Variants in ADCY2 observed in about 807,000 individuals in gnomAD.
The protein encoded by ADCY2 is adenylate cyclase type 2.
In ADCY2, 31 loss-of-function variants were observed where a neutral mutation model predicts 125.2. The ratio of observed to expected loss-of-function variants is 0.25; its 90% CI spans 0.19 to 0.33. The LOEUF (loss-of-function observed/expected upper bound fraction) is 0.33, where lower values mean the gene tolerates loss of function less well. Ranked by LOEUF, ADCY2 falls within the 10% of genes least tolerant of loss-of-function variation. The pLI is 1.00. For synonymous variants in ADCY2, 512 were observed against 548.4 expected (o/e 0.93, Z 0.93); for missense variants, 904 against 1,418.2 (o/e 0.64, Z 5.82).
At chr5:7,502,334 G>T (rs1169807902) in intron 2 of ADCY2, among the ~76,000 whole-genome samples, 1 of 152,118 alleles carries the variant, frequency 6.6e-6, no homozygotes, top group Non-Finnish European at 1.5e-5. Flanking sequence ...CCAGGGAGCA[G>T]CCCCTGCTAT....
Position 7,595,501 on chromosome 5 carries a change from CCTGT to C in ADCY2, c.571-30665_571-30662del, listed in dbSNP as rs1736977898. On this transcript the variant is annotated intron_variant, in intron 3 of 24. Coordinates refer to ENST00000338316, the MANE Select transcript of ADCY2 (RefSeq NM_020546.3). ...GCATGAACCTTCAAGGAACAACCAT[CCTGT>C]TATTTTCTTTTATCTCACATATCTT... Among the ~76,000 whole-genome samples, 3 of 152,116 alleles carry C rather than the reference CCTGT, an allele frequency of 2.0e-5. No homozygotes were observed. In the South Asian group the frequency reaches 6.2e-4, roughly 32 times the overall value.
At chr5:7,775,538 C>T (rs988287130) in intron 18 of ADCY2, among the ~76,000 whole-genome samples, 2 of 151,606 alleles carry the variant, frequency 1.3e-5, no homozygotes, top group Non-Finnish European at 1.5e-5. Flanking sequence ...TTGCAGGCAG[C>T]CGCCACCATG....
intron 2 of ADCY2, among the ~76,000 whole-genome samples, chr5:7,415,449 C>T (rs1471814572): frequency 6.6e-6 from 1 of 152,168 alleles, no homozygotes; most frequent in South Asian, 2.1e-4. Context: ...ACCACAGTTT[C>T]GACAACTCAG....
intron 3 of ADCY2, among the ~76,000 whole-genome samples, chr5:7,583,751 T>C (rs530906596): frequency 1.4e-3 from 210 of 152,224 alleles, no homozygotes; most frequent in African/African-American, 4.9e-3. Context: ...ATTCAACTTC[T>C]AGGTATGTAC....
intron 14 of ADCY2, among the ~76,000 whole-genome samples, chr5:7,737,375 A>G (rs1742280715): frequency 6.6e-6 from 1 of 152,208 alleles, no homozygotes; most frequent in African/African-American, 2.4e-5. Context: ...AGAACCATGC[A>G]AAGCTAGAGC....
intron 3 of ADCY2, among the ~76,000 whole-genome samples, chr5:7,530,028 G>T (rs956100630): frequency 1.3e-5 from 2 of 152,156 alleles, no homozygotes; most frequent in Non-Finnish European, 1.5e-5. Context: ...CTGCTTCCTG[G>T]AGAACCCAAG....
intron 3 of ADCY2, among the ~76,000 whole-genome samples, chr5:7,620,000 G>A (rs183444048): frequency 1.3e-5 from 2 of 152,254 alleles, no homozygotes; most frequent in Admixed American, 6.5e-5. Flanking sequence ...TTTCTATAAC[G>A]ATCTGAGGAT....
chr5:7,430,241 G>A (rs543560506), intron 2 of ADCY2, among the ~76,000 whole-genome samples: 21 of 151,994 alleles, frequency 1.4e-4, no homozygotes, highest in African/African-American at 4.8e-4. Flanking sequence ...AATGCTCCAG[G>A]TCCAAATGGC....
chr5:7,814,559 C>T (rs1745045816), intron 22 of ADCY2, among the ~76,000 whole-genome samples: 2 of 152,206 alleles, frequency 1.3e-5, no homozygotes, highest in Non-Finnish European at 2.9e-5. Context: ...CTGCAATCCC[C>T]ATGCACACTC....
At chr5:7,527,809 A>G (rs1347344495) in intron 3 of ADCY2, among the ~76,000 whole-genome samples, 6 of 152,216 alleles carry the variant, frequency 3.9e-5, no homozygotes, top group Non-Finnish European at 2.9e-5. Flanking sequence ...TTTTAAGTAT[A>G]ATTCAGAAAG....
chr5:7,587,255 C>T (rs554121160), intron 3 of ADCY2, among the ~76,000 whole-genome samples: 3 of 152,132 alleles, frequency 2.0e-5, no homozygotes, highest in Non-Finnish European at 4.4e-5. Flanking sequence ...ACCCTGCTTC[C>T]TTCCCGAGGT....
intron 9 of ADCY2, 37 bp downstream of exon 9, chr5:7,707,875 A>C (rs1266726055): frequency 6.3e-7 from 1 of 1,595,232 alleles, no homozygotes; most frequent in Admixed American, 1.7e-5. Context: ...ATGAAAAGGG[A>C]GGAGGAGCAA....
At chr5:7,427,727 CCTTTGG>C (rs1411266899) in intron 2 of ADCY2, among the ~76,000 whole-genome samples, 1 of 152,100 alleles carries the variant, frequency 6.6e-6, no homozygotes, top group African/African-American at 2.4e-5. Flanking sequence ...GGGGGTTAAG[CCTTTGG>C]CATATCTTTG....
chr5:7,581,173 C>A (rs1479360345), intron 3 of ADCY2, among the ~76,000 whole-genome samples: 4 of 151,952 alleles, frequency 2.6e-5, no homozygotes. Flanking sequence ...TAACAAAAAA[C>A]CTGTTTTATC....
chr5:7,447,384 CATCCTGGCAGTGGG>C (rs554730181), intron 2 of ADCY2, among the ~76,000 whole-genome samples: 1 of 152,286 alleles, frequency 6.6e-6, no homozygotes, highest in South Asian at 2.1e-4. Flanking sequence ...CAGTGGGCAT[CATCCTGGCAGTGGG>C]AAAGCAAGTC....
intron 2 of ADCY2, among the ~76,000 whole-genome samples, chr5:7,450,830 G>C (rs1425177066): frequency 1.3e-5 from 2 of 152,068 alleles, no homozygotes; most frequent in African/African-American, 4.8e-5. Flanking sequence ...ATTTTATTGT[G>C]CCTGTACTCT....
chr5:7,770,967 A>G (rs112323012), intron 17 of ADCY2, among the ~76,000 whole-genome samples: 4,220 of 152,306 alleles, frequency 0.028, 205 homozygotes, highest in African/African-American at 0.096. Context: ...ATATTTCGTT[A>G]TATTCAACAG....
rs1401613046 is a variant in ADCY2 at position 7,396,384 on chromosome 5, C to G, written c.88C>G (p.Arg30Gly). The G allele has an allele frequency of 2.6e-6, 4 of 1,564,374 alleles. No individual in the cohort carries two copies. Among genetic ancestry groups the G allele is most frequent in the Non-Finnish European group, 1.7e-6 (2 of 1,156,488 alleles). ...CGGCGGAGACGGGCTGCCGCGGTCC[C>G]GGGACTGGCTCTACGAGTCCTACTA... ...AGGGDGLPRSRDWLYESYYCM... is the reference protein window; with the variant it reads ...AGGGDGLPRSGDWLYESYYCM... Residue 30 changes from arginine (R) to glycine (G), a missense_variant, in exon 1 of 25, where the codon CGG (arginine) becomes GGG (glycine). Physicochemically the swap from Arg to Gly is moderately radical, Grantham distance 125. Coordinates refer to ENST00000338316, the MANE Select transcript of ADCY2 (RefSeq NM_020546.3). This position sits in a 1 kb window ranked among gnomAD's most constrained non-coding sequence, Gnocchi z 5.7.
intron 3 of ADCY2, among the ~76,000 whole-genome samples, chr5:7,595,818 C>A (rs1001162781): frequency 1.3e-5 from 2 of 152,090 alleles, no homozygotes; most frequent in African/African-American, 4.8e-5. Flanking sequence ...AATGTAAATG[C>A]CATGTAAATA....
Sources: allele counts gnomAD v4.1 joint callset (sites outside exome capture counted in the v4.1 genomes callset), GRCh38; gene constraint gnomAD v4.1.1; non-coding constraint Gnocchi (gnomAD v3.1); transcripts MANE v1.5; gene names NCBI Gene and HGNC (gene_info 2026-07-23, HGNC 2026-07-21).